SEMA5A: variants seen among roughly 807,000 people sequenced by gnomAD.
The protein encoded by SEMA5A is semaphorin 5A.
In SEMA5A, 55 loss-of-function variants were observed where a neutral mutation model predicts 135.5. The ratio of observed to expected loss-of-function variants is 0.41; its 90% CI spans 0.33 to 0.51. The LOEUF (loss-of-function observed/expected upper bound fraction) is 0.51. Ranked by LOEUF, SEMA5A falls within the 20% of genes least tolerant of loss-of-function variation. The pLI, the probability that SEMA5A is intolerant of heterozygous loss-of-function variation, is 0.37. For synonymous variants in SEMA5A, 580 were observed against 546.5 expected, an observed-to-expected ratio of 1.06 and a Z score of -0.85; for missense variants, 1,290 against 1,419.9, an observed-to-expected ratio of 0.91 and a Z score of 1.47.
chr5:9,504,777 C>T (rs897908059), intron 1 of SEMA5A, among the ~76,000 whole-genome samples: 1 of 152,214 alleles, frequency 6.6e-6, no homozygotes, highest in Non-Finnish European at 1.5e-5. Context: ...CCACAGGTCC[C>T]GAGCAGAGAT....
At chr5:9,211,093 A>G (rs996883007) in intron 8 of SEMA5A, among the ~76,000 whole-genome samples, 3 of 152,144 alleles carry the variant, frequency 2.0e-5, no homozygotes, top group African/African-American at 7.2e-5. Context: ...AGGGCATCTC[A>G]TTGTGCTGTG....
intron 12 of SEMA5A, among the ~76,000 whole-genome samples, chr5:9,154,093 A>ATATATATATATATATGTGTGTGTGTGTG (rs372321939): frequency 2.7e-5 from 2 of 73,502 alleles, no homozygotes; most frequent in Admixed American, 1.8e-4. Context: ...ATATATATAT[A>ATATATATATATATATGTGTGTGTGTGTG]TGTGTGTGTG....
intron 2 of SEMA5A, among the ~76,000 whole-genome samples, chr5:9,394,801 T>C (rs899835215): frequency 6.6e-6 from 1 of 152,202 alleles, no homozygotes; most frequent in Non-Finnish European, 1.5e-5. Context: ...GGCACATCCA[T>C]ACTATTAAAT....
At chr5:9,078,806 T>C (rs79119740) in intron 16 of SEMA5A, among the ~76,000 whole-genome samples, 6,742 of 152,210 alleles carry the variant, frequency 0.044, 237 homozygotes, top group Middle Eastern at 0.11. Context: ...GGTAAAGCCA[T>C]ACTCATGTCC....
chr5:9,281,649 A>G (rs1750546283), intron 5 of SEMA5A, among the ~76,000 whole-genome samples: 1 of 152,170 alleles, frequency 6.6e-6, no homozygotes, highest in Non-Finnish European at 1.5e-5. Context: ...AATTATCTGG[A>G]TTCTTATAGA....
chr5:9,213,855 C>A (rs1746473468), intron 8 of SEMA5A, among the ~76,000 whole-genome samples: 1 of 152,048 alleles, frequency 6.6e-6, no homozygotes, highest in South Asian at 2.1e-4. Context: ...GCCAAGGGAG[C>A]ACATAGATGA....
At chr5:9,112,417 A>T (rs184702393) in intron 15 of SEMA5A, among the ~76,000 whole-genome samples, 6 of 152,344 alleles carry the variant, frequency 3.9e-5, no homozygotes, top group Non-Finnish European at 8.8e-5. Flanking sequence ...TGTTAACCTG[A>T]ACCAATCAGG....
chr5:9,171,191 A>T (rs1302108252), intron 11 of SEMA5A, among the ~76,000 whole-genome samples: 1 of 152,152 alleles, frequency 6.6e-6, no homozygotes, highest in Non-Finnish European at 1.5e-5. Context: ...TTTCTTTTAA[A>T]ACACGCTCTG....
intron 6 of SEMA5A, among the ~76,000 whole-genome samples, chr5:9,230,876 G>A (rs1806018): frequency 0.07 from 10,608 of 152,154 alleles, 485 homozygotes; most frequent in Non-Finnish European, 0.1. Flanking sequence ...GGTGGTATTC[G>A]AGTTTCTTCT....
chr5:9,489,582 T>A (rs1269753030), intron 1 of SEMA5A, among the ~76,000 whole-genome samples: 1 of 152,136 alleles, frequency 6.6e-6, no homozygotes, highest in Non-Finnish European at 1.5e-5. Context: ...TATAAGAAAT[T>A]TTGAGAAAAC....
intron 13 of SEMA5A, among the ~76,000 whole-genome samples, chr5:9,131,595 G>A (rs544116638): frequency 1.3e-3 from 143 of 107,920 alleles, no homozygotes; most frequent in Middle Eastern, 0.021. Flanking sequence ...GCGACAGAGC[G>A]AGACTCCATC....
chr5:9,104,695 G>A lies in SEMA5A; in HGVS notation c.2073+3445C>T, dbSNP rs1739811010. ...GTAGAACAGCAGGTCAAATCTCACA[G>A]TGACTCAGAGGCAGAGCCCCTCTGA... On this transcript the variant is annotated intron_variant, in intron 16 of 22. Transcript: ENST00000382496. Among the ~76,000 whole-genome samples the A allele has an allele frequency of 3.9e-5, 6 of 152,292 alleles. No homozygotes were observed. The South Asian group carries it at 1.2e-3, about 32-fold the overall frequency.
chr5:9,530,507 C>CTTT (rs1437465658), intron 1 of SEMA5A, among the ~76,000 whole-genome samples: 3 of 151,950 alleles, frequency 2.0e-5, no homozygotes, highest in Non-Finnish European at 4.4e-5. Context: ...AAGTTATTTG[C>CTTT]CAAAATGTAT....
chr5:9,099,641 C>T (rs1347866263), intron 16 of SEMA5A, among the ~76,000 whole-genome samples: 1 of 152,174 alleles, frequency 6.6e-6, no homozygotes, highest in African/African-American at 2.4e-5. Flanking sequence ...TGTCTTTCCC[C>T]ATCAGCTACT....
At chr5:9,287,088 A>G (rs919254316) in intron 5 of SEMA5A, among the ~76,000 whole-genome samples, 4 of 152,210 alleles carry the variant, frequency 2.6e-5, no homozygotes, top group African/African-American at 9.6e-5. Flanking sequence ...GAATGGGTCA[A>G]TTAGCCACTA....
chr5:9,536,489 T>G (rs950947960), intron 1 of SEMA5A, among the ~76,000 whole-genome samples: 5 of 152,050 alleles, frequency 3.3e-5, no homozygotes, highest in African/African-American at 1.2e-4. Context: ...GGTGCATGCT[T>G]GTATTCCCAG....
intron 12 of SEMA5A, among the ~76,000 whole-genome samples, chr5:9,139,015 G>C (rs924681351): frequency 1.3e-5 from 2 of 152,100 alleles, no homozygotes; most frequent in African/African-American, 4.8e-5. Flanking sequence ...CATTTGGGTT[G>C]GTCCCACATT....
chr5:9,482,179 C>A (rs1359981837), intron 1 of SEMA5A, among the ~76,000 whole-genome samples: 1 of 152,266 alleles, frequency 6.6e-6, no homozygotes, highest in African/African-American at 2.4e-5. Flanking sequence ...GAGCTGAGAG[C>A]TGAACAGTAC....
intron 3 of SEMA5A, among the ~76,000 whole-genome samples, chr5:9,351,678 G>A (rs532124796): frequency 6.6e-6 from 1 of 152,232 alleles, no homozygotes; most frequent in South Asian, 2.1e-4. Context: ...TCAACAGAGT[G>A]GGACAGAAGA....
Sources: gnomAD v4.1 joint callset for allele counts (sites outside exome capture counted in the v4.1 genomes callset) on GRCh38, gnomAD v4.1.1 for gene constraint, MANE v1.5 for transcripts, NCBI Gene and HGNC (gene_info 2026-07-23, HGNC 2026-07-21) for gene names.